Variants in UBR4 observed in about 807,000 individuals in gnomAD.
UBR4 encodes E3 ubiquitin-protein ligase UBR4.
A neutral mutation model predicts 575.6 loss-of-function variants in UBR4; 124 were observed. The observed-to-expected ratio is 0.22, with a 90% confidence interval of 0.19 to 0.25. UBR4 has a LOEUF of 0.25. UBR4 is among the 10% of genes least tolerant of loss of function. The pLI, the probability that UBR4 is intolerant of heterozygous loss-of-function variation, is 1.00. For missense variants in UBR4, 4,818 were observed against 6,478.8 expected (o/e 0.74, Z 8.80); for synonymous variants, 2,455 against 2,473.7 (o/e 0.99, Z 0.22).
At chr1:19,149,991 C>T (rs928233768) in intron 49 of UBR4, among the ~76,000 whole-genome samples, 2 of 152,076 alleles carry the variant, frequency 1.3e-5, no homozygotes, top group African/African-American at 4.8e-5. Context: ...ATGTAAGAAA[C>T]TCAAAATCTT....
rs989717268 is a variant in UBR4 at position 19,147,642 on chromosome 1, C to T, written c.7629+351G>A. 6.6e-5 allele frequency among the ~76,000 whole-genome samples: 10 copies of T among 152,272 alleles called. No individual in the cohort carries two copies. The South Asian group carries it at 8.3e-4, about 13-fold the overall frequency. On this transcript the variant is annotated intron_variant, in intron 51 of 105. Transcript: ENST00000375254. ...GTACACTTCTCGTGCTGTGCCACAC[C>T]TGAGGGAGCGAAAACACTAGCAGTC...
intron 86 of UBR4, 47 bp from the exon 87 acceptor site, chr1:19,104,304 T>C (rs764772263): frequency 6.2e-7 from 1 of 1,601,050 alleles, no homozygotes; most frequent in Non-Finnish European, 8.5e-7. Context: ...GATGAAAACA[T>C]AAGGACAGTC....
At chr1:19,176,858 TG>T (rs2090318899) in intron 19 of UBR4, 131 bp from the exon 20 acceptor site, 3 of 1,065,084 alleles carry the variant, frequency 2.8e-6, no homozygotes, top group African/African-American at 1.6e-5. Context: ...TCAAATATTC[TG>T]TTTTATTGGG....
At chr1:19,171,041 T>C (rs373101792) in intron 25 of UBR4, among the ~76,000 whole-genome samples, 158 bp from the exon 26 acceptor site, 43 of 152,262 alleles carry the variant, frequency 2.8e-4, no homozygotes, top group African/African-American at 1.0e-3. Context: ...AGAATTCCAA[T>C]GGGTAATCAT....
intron 103 of UBR4, chr1:19,079,623 A>C (rs1350961605): frequency 6.6e-6 from 1 of 152,224 alleles, no homozygotes; most frequent in African/African-American, 2.4e-5. Flanking sequence ...GACTTACAGG[A>C]CTTAGGACAA....
intron 97 of UBR4, among the ~76,000 whole-genome samples, chr1:19,092,142 G>T (rs900063289): frequency 6.6e-6 from 1 of 152,158 alleles, no homozygotes; most frequent in African/African-American, 2.4e-5. Flanking sequence ...GCCAACAAGA[G>T]GGACCCTTGT....
At position 19,122,098 on chromosome 1, in the gene UBR4, C is replaced by T. The variant is rs1351239446; in HGVS notation, c.9817-86G>A. On this transcript the variant is annotated intron_variant, in intron 66 of 105. Transcript: ENST00000375254. ...ACACCTGCTGCCTGGAGCCATCTCC[C>T]TGACTTTGGACTACACCTGAACATG... 3 of 1,397,530 alleles carry T rather than the reference C, an allele frequency of 2.1e-6. No individual in the cohort carries two copies. In the Admixed American group the frequency reaches 5.1e-5, roughly 24 times the overall value. The allele number at this position is 1,397,530 out of a possible 1,614,324, so 86.6% of individuals were successfully genotyped here.
chr1:19,113,922 T>A, intron 76 of UBR4, 23 bp downstream of exon 76: 1 of 1,614,204 alleles, frequency 6.2e-7, no homozygotes, highest in Non-Finnish European at 8.5e-7. Flanking sequence ...CTTATCCAAA[T>A]GCCCTTTGCA....
chr1:19,085,140 C>T (rs925518375), intron 101 of UBR4, among the ~76,000 whole-genome samples: 18 of 152,204 alleles, frequency 1.2e-4, no homozygotes, highest in African/African-American at 4.3e-4. Context: ...AATACACATT[C>T]CCATCTATCT....
rs1177088959 is a variant in UBR4, at chr1:19,155,557, C to G, written c.6184G>C (p.Val2062Leu). 1 of 1,614,030 alleles carries G rather than the reference C, an allele frequency of 6.2e-7. No homozygotes were observed. Among genetic ancestry groups the G allele is most frequent in the Non-Finnish European group, 8.5e-7 (1 of 1,180,006 alleles). Reference sequence around the variant, plus strand: ...ATGTACCCAGCCGAAGACATTATAACAATGATGTTCTTTCCCTCCTCATTG... The same window carrying G: ...ATGTACCCAGCCGAAGACATTATAAGAATGATGTTCTTTCCCTCCTCATTG... ...LFNEEGKNII[V>L]IMSSAGYIYT... The change falls in exon 43 of 106, where the codon GTT becomes CTT. Residue 2062 changes from valine (V) to leucine (L), a missense_variant. Physicochemically the swap from Val to Leu is conservative, Grantham distance 32. Around this residue, in one of 29 missense-constraint regions of UBR4, gnomAD observed 461 missense variants for 606.9 expected, o/e 0.76. Transcript: ENST00000375254.
At position 19,148,584 on chromosome 1, in the gene UBR4, G is replaced by A. The variant is rs748823525; in HGVS notation, c.7473C>T (p.Ala2491=). Reference sequence around the variant, plus strand: ...TTGCCTTCTCGATGATTGGGCCAACGGCAAAGCAGCTTTCCAGGGCTTCTA... The same window carrying A: ...TTGCCTTCTCGATGATTGGGCCAACAGCAAAGCAGCTTTCCAGGGCTTCTA... The part of the protein sequence containing the change: ...SSLEALESCF[A]VGPIIEKERN... The change falls in exon 50 of 106, where the codon GCC becomes GCT. Residue 2491 remains alanine, a synonymous_variant. Coordinates refer to ENST00000375254, the MANE Select transcript of UBR4 (RefSeq NM_020765.3). The A allele has an allele frequency of 3.1e-5, 50 of 1,614,062 alleles. No individual in the cohort carries two copies. In the East Asian group the frequency reaches 8.5e-4, roughly 27 times the overall value.
intron 29 of UBR4, among the ~76,000 whole-genome samples, chr1:19,166,049 A>G (rs2088309638): frequency 6.6e-6 from 1 of 152,244 alleles, no homozygotes; most frequent in South Asian, 2.1e-4. Flanking sequence ...TTAGGGAAAA[A>G]GACACTTTGG....
In UBR4 at chr1:19,126,583, C is replaced by A. The variant is rs201098859; in HGVS notation, c.9301G>T (p.Val3101Leu). The change falls in exon 64 of 106, where the codon GTG becomes TTG. Residue 3101 changes from valine (V) to leucine (L), a missense_variant. Val to Leu is a conservative substitution (Grantham distance 32, BLOSUM62 1). Coordinates refer to ENST00000375254, the MANE Select transcript of UBR4 (RefSeq NM_020765.3). Reference sequence around the variant, plus strand: ...CAATATTCCAGCAGTGATTTGAGCACGTGCAGGCAGTAGTCCACAGCCCCA... The same window carrying A: ...CAATATTCCAGCAGTGATTTGAGCAAGTGCAGGCAGTAGTCCACAGCCCCA... ...SSGAVDYCLH[V>L]LKSLLEYWKS... 3 of 1,614,146 alleles carry A rather than the reference C, an allele frequency of 1.9e-6. No individual in the cohort carries two copies. The South Asian group carries it at 3.3e-5, about 18-fold the overall frequency.
intron 65 of UBR4, among the ~76,000 whole-genome samples, chr1:19,124,221 C>G (rs1023418433): frequency 6.6e-6 from 1 of 152,228 alleles, no homozygotes; most frequent in Admixed American, 6.5e-5. Context: ...CCCAATTTCC[C>G]ATATTGAAAT....
intron 94 of UBR4, among the ~76,000 whole-genome samples, chr1:19,094,591 G>A (rs1307607800): frequency 1.3e-5 from 2 of 152,100 alleles, no homozygotes; most frequent in African/African-American, 4.8e-5. Flanking sequence ...GAAATGAAGT[G>A]GGCTATTCAA....
At chr1:19,154,139 C>A (rs1012286334) in intron 44 of UBR4, among the ~76,000 whole-genome samples, 200 bp from the exon 45 acceptor site, 1 of 152,198 alleles carries the variant, frequency 6.6e-6, no homozygotes, top group African/African-American at 2.4e-5. Context: ...TATGGCAGGG[C>A]AGTCCTCATT....
At chr1:19,164,001 T>A (rs924330529) in intron 33 of UBR4, among the ~76,000 whole-genome samples, 174 bp from the exon 34 acceptor site, 2 of 152,148 alleles carry the variant, frequency 1.3e-5, no homozygotes, top group African/African-American at 4.8e-5. Flanking sequence ...GCTCTGGCCT[T>A]AGAATTATCA....
At chr1:19,080,953 T>G in intron 103 of UBR4, 2 of 168,112 alleles carry the variant, frequency 1.2e-5, no homozygotes, top group Non-Finnish European at 1.3e-5. Context: ...TGAAGACGAG[T>G]TTTTAATTAT....
chr1:19,138,060 G>A lies in UBR4; in HGVS notation c.8853C>T (p.Gly2951=). 1 of 1,591,510 alleles carries A rather than the reference G, an allele frequency of 6.3e-7. No homozygotes were observed. Among genetic ancestry groups the A allele is most frequent in the African/African-American group, 1.3e-5 (1 of 74,554 alleles). Residue 2951 remains glycine (G), a synonymous_variant, in exon 60 of 106, where the codon GGC becomes GGT. Transcript: ENST00000375254. ...TTTCTCCTTCTCCTTCTCCCTCGGA[G>A]CCATCTCCCTCCTGGTGCCCAGTGG... ...STTTGHQEGD[G]SEGEGEGETE...
Sources: allele counts gnomAD v4.1 joint callset (sites outside exome capture counted in the v4.1 genomes callset), GRCh38; gene constraint gnomAD v4.1.1; regional missense constraint gnomAD v4.1.1; transcripts MANE v1.5; gene names NCBI Gene and HGNC (gene_info 2026-07-23, HGNC 2026-07-21).